Variants in CDH12 observed in about 807,000 individuals in gnomAD.
CDH12 encodes the protein cadherin-12.
CDH12 carries 41 observed loss-of-function variants against 74.1 expected under a neutral mutation model. The ratio of observed to expected loss-of-function variants is 0.55; its 90% CI spans 0.43 to 0.72. The LOEUF is 0.72. CDH12 is among the 30% of genes least tolerant of loss of function. CDH12 has a pLI of 0.00. For missense variants in CDH12, 945 were observed against 977.2 expected (o/e 0.97, Z 0.44); for synonymous variants, 399 against 355.0 (o/e 1.12, Z -1.39).
chr5:22,218,996 T>C lies in CDH12; in HGVS notation c.-332-6353A>G, dbSNP rs1175803051. The stretch of plus-strand genomic sequence containing the variant: ...ACTTTAAACTTAATGTCCTAGTATC[T>C]ATCCAGATAATAGTTCAGTAAAATT... On this transcript the variant is annotated intron_variant, in intron 3 of 14. Coordinates refer to ENST00000382254, the MANE Select transcript of CDH12 (RefSeq NM_004061.5). 2.0e-5 allele frequency among the ~76,000 whole-genome samples: 3 copies of C among 151,914 alleles called. No homozygotes were observed. In the East Asian group the frequency reaches 5.8e-4, roughly 29 times the overall value.
chr5:22,469,714 A>G (rs1428841633), intron 2 of CDH12, among the ~76,000 whole-genome samples: 1 of 152,106 alleles, frequency 6.6e-6, no homozygotes. Context: ...TTAGTGGTGT[A>G]TATTCTCCTG....
At chr5:22,044,482 T>G (rs1739794008) in intron 5 of CDH12, among the ~76,000 whole-genome samples, 1 of 151,680 alleles carries the variant, frequency 6.6e-6, no homozygotes, top group African/African-American at 2.4e-5. Flanking sequence ...TTAGATAGAG[T>G]GAGAACTCAC....
chr5:22,262,153 A>G (rs1410998298), intron 3 of CDH12, among the ~76,000 whole-genome samples: 1 of 151,722 alleles, frequency 6.6e-6, no homozygotes, highest in African/African-American at 2.4e-5. Flanking sequence ...GTTTTAGGGT[A>G]CATGTGCACA....
Position 21,876,190 on chromosome 5 carries a change from G to A in CDH12, c.527-21400C>T, listed in dbSNP as rs192790924. Among the ~76,000 whole-genome samples the A allele has an allele frequency of 4.6e-5, 7 of 151,994 alleles. No individual in the cohort carries two copies. In the East Asian group the frequency reaches 1.2e-3, roughly 25 times the overall value. On this transcript the variant is annotated intron_variant, in intron 6 of 14. Transcript: ENST00000382254. ...ATTACAGGCTTGAGCCACCACACCCGGCCCTTTGTTTGCATTTTAATGGTT... is the reference window on the plus strand; with the variant it reads ...ATTACAGGCTTGAGCCACCACACCCAGCCCTTTGTTTGCATTTTAATGGTT...
At chr5:22,325,752 C>CA (rs760099523) in intron 3 of CDH12, among the ~76,000 whole-genome samples, 4 of 151,954 alleles carry the variant, frequency 2.6e-5, no homozygotes, top group Non-Finnish European at 5.9e-5. Flanking sequence ...ACTAAAAATA[C>CA]AAAAAATTAG....
intron 5 of CDH12, among the ~76,000 whole-genome samples, chr5:22,014,621 A>G (rs918986741): frequency 6.6e-6 from 1 of 152,138 alleles, no homozygotes; most frequent in Non-Finnish European, 1.5e-5. Flanking sequence ...AATCAGTGTT[A>G]ATGACAGAAT....
At chr5:22,624,224 G>A (rs887260637) in intron 1 of CDH12, among the ~76,000 whole-genome samples, 1 of 152,074 alleles carries the variant, frequency 6.6e-6, no homozygotes, top group Non-Finnish European at 1.5e-5. Flanking sequence ...GAAAACCTAG[G>A]CAATACCATT....
intron 9 of CDH12, among the ~76,000 whole-genome samples, chr5:21,814,907 A>T (rs989461572): frequency 6.6e-6 from 1 of 151,856 alleles, no homozygotes; most frequent in Non-Finnish European, 1.5e-5. Flanking sequence ...TTGATTTGGG[A>T]CTAAAAGAAA....
chr5:22,217,724 T>A (rs929165622), intron 3 of CDH12, among the ~76,000 whole-genome samples: 1 of 151,720 alleles, frequency 6.6e-6, no homozygotes, highest in Non-Finnish European at 1.5e-5. Flanking sequence ...ACAAAACACA[T>A]TTTTAGCAAT....
intron 6 of CDH12, among the ~76,000 whole-genome samples, chr5:21,895,427 C>A (rs895088821): frequency 4.6e-5 from 7 of 152,170 alleles, no homozygotes; most frequent in Non-Finnish European, 1.0e-4. Context: ...TCCTATATGT[C>A]ATTAATGCGT....
intron 2 of CDH12, among the ~76,000 whole-genome samples, chr5:22,426,697 A>C (rs1743954279): frequency 6.6e-6 from 1 of 152,194 alleles, no homozygotes; most frequent in Non-Finnish European, 1.5e-5. Flanking sequence ...TATATCAATC[A>C]GTTTGAACAA....
At chr5:21,757,526 A>T (rs1183481924) in intron 13 of CDH12, among the ~76,000 whole-genome samples, 1 of 152,188 alleles carries the variant, frequency 6.6e-6, no homozygotes, top group East Asian at 1.9e-4. Flanking sequence ...GAAGAAAAAG[A>T]CATACTATAT....
At position 21,980,160 on chromosome 5, in the gene CDH12, AC is replaced by A. The variant is rs759105461; in HGVS notation, c.232-4776del. ...ACTTAAAGTATAATAAAAAAAAAAA[AC>A]ATACATACATATATGTATGGCATAT... On this transcript the variant is annotated intron_variant, in intron 5 of 14. Coordinates refer to ENST00000382254, the MANE Select transcript of CDH12 (RefSeq NM_004061.5). 2.8e-3 allele frequency among the ~76,000 whole-genome samples: 423 copies of A among 149,802 alleles called. 1 individual carries two copies. The highest frequency in any genetic ancestry group is 4.6e-3 in the Non-Finnish European group (313 of 67,792).
chr5:22,740,946 T>C (rs1030787325), intron 1 of CDH12, among the ~76,000 whole-genome samples: 2 of 152,108 alleles, frequency 1.3e-5, no homozygotes, highest in African/African-American at 4.8e-5. Context: ...AAAACCAAAA[T>C]ATAAGAATAG....
intron 3 of CDH12, among the ~76,000 whole-genome samples, chr5:22,388,534 GA>G (rs1250559407): frequency 6.6e-6 from 1 of 151,746 alleles, no homozygotes. Context: ...TTCAAGGCAT[GA>G]AAAAAAGACA....
chr5:22,759,879 G>T (rs1463181822), intron 1 of CDH12, among the ~76,000 whole-genome samples: 1 of 152,178 alleles, frequency 6.6e-6, no homozygotes, highest in African/African-American at 2.4e-5. Context: ...AACTGATGTT[G>T]TGCTTCAAGT....
At chr5:21,827,630 T>A (rs994571801) in intron 8 of CDH12, among the ~76,000 whole-genome samples, 2 of 152,176 alleles carry the variant, frequency 1.3e-5, no homozygotes, top group African/African-American at 4.8e-5. Flanking sequence ...AAACTAATTG[T>A]CCATTGTAAC....
chr5:21,778,137 T>C (rs1745696122), intron 11 of CDH12, among the ~76,000 whole-genome samples: 1 of 152,134 alleles, frequency 6.6e-6, no homozygotes, highest in Admixed American at 6.6e-5. Flanking sequence ...GTGAATATGT[T>C]CCCTGTGAAA....
intron 8 of CDH12, among the ~76,000 whole-genome samples, chr5:21,821,577 T>C (rs1280604288): frequency 6.6e-6 from 1 of 151,880 alleles, no homozygotes; most frequent in African/African-American, 2.4e-5. Flanking sequence ...GTTACCTAAA[T>C]ACAAGTAACT....
Sources: gnomAD v4.1 joint callset for allele counts (sites outside exome capture counted in the v4.1 genomes callset) on GRCh38, gnomAD v4.1.1 for gene constraint, MANE v1.5 for transcripts, NCBI Gene and HGNC (gene_info 2026-07-23, HGNC 2026-07-21) for gene names.